The following RBFOX3 variants were observed in gnomAD, a reference collection of about 807,000 sequenced individuals.
RBFOX3 encodes the protein RNA binding protein fox-1 homolog 3.
A neutral mutation model predicts 48.7 loss-of-function variants in RBFOX3; 17 were observed. The observed-to-expected ratio is 0.35, with a 90% CI of 0.24 to 0.52. The LOEUF (loss-of-function observed/expected upper bound fraction) is 0.52, where lower values mean the gene tolerates loss of function less well. RBFOX3 is among the 20% of genes least tolerant of loss of function. RBFOX3 has a pLI of 0.94. For synonymous variants in RBFOX3, 212 were observed against 209.5 expected, an observed-to-expected ratio of 1.01 and a Z score of -0.10; for missense variants, 382 against 497.5, an observed-to-expected ratio of 0.77 and a Z score of 2.21.
intron 1 of RBFOX3, among the ~76,000 whole-genome samples, chr17:79,575,979 G>A (rs2092844538): frequency 6.6e-6 from 1 of 152,196 alleles, no homozygotes; most frequent in Non-Finnish European, 1.5e-5. Context: ...TGTCCACATG[G>A]CCAGGCCATA....
intron 3 of RBFOX3, among the ~76,000 whole-genome samples, chr17:79,289,437 A>G (rs2072773452): frequency 6.6e-6 from 1 of 152,258 alleles, no homozygotes; most frequent in Non-Finnish European, 1.5e-5. Flanking sequence ...GAAGGAACCC[A>G]GTACCCAGTC....
chr17:79,142,459 G>A (rs561390600), intron 4 of RBFOX3, among the ~76,000 whole-genome samples: 30 of 152,242 alleles, frequency 2.0e-4, no homozygotes, highest in African/African-American at 5.5e-4. Context: ...ATCCTAAGCC[G>A]CCCCTTCTCC....
In RBFOX3 at chr17:79,477,169, G is replaced by A. The variant is rs1347016635; in HGVS notation, c.-175+5285C>T. ...AATCTCTTAAACCCAGGAGGTAGAG[G>A]TTGCAGTGAGCTGAGATCGCGCCAC... On this transcript the variant is annotated intron_variant, in intron 2 of 14. Transcript: ENST00000693108. The surrounding 1 kb of genome is among the most constrained non-coding windows in gnomAD (Gnocchi z 4.8). 2.0e-5 allele frequency among the ~76,000 whole-genome samples: 3 copies of A among 150,456 alleles called. No individual in the cohort carries two copies. The highest frequency in any genetic ancestry group is 4.4e-5 in the Non-Finnish European group (3 of 67,732).
rs916335903 is a variant in RBFOX3 at position 79,565,257 on chromosome 17, C to T, written c.-320+45569G>A. 2.1e-3 allele frequency among the ~76,000 whole-genome samples: 323 copies of T among 151,864 alleles called. 1 individual carries two copies. The highest frequency in any genetic ancestry group is 7.6e-3 in the African/African-American group (316 of 41,402). ...GTTCCCATCTCTACCCTCTTCTGTG[C>T]TTTCTCTACTTTTTGCAAAGAGACA... On this transcript the variant is annotated intron_variant, in intron 1 of 14. Coordinates refer to ENST00000693108, the MANE Select transcript of RBFOX3 (RefSeq NM_001350451.2).
At chr17:79,657,069 G>A in the RBFOX3 span, among the ~76,000 whole-genome samples, 7 of 152,086 alleles carry the variant, frequency 4.6e-5, no homozygotes, top group African/African-American at 1.7e-4. Context: ...CTTTTCAGAA[G>A]GCAGATCTGA....
chr17:79,193,589 T>C (rs1165905058), intron 4 of RBFOX3, among the ~76,000 whole-genome samples: 1 of 152,198 alleles, frequency 6.6e-6, no homozygotes, highest in Non-Finnish European at 1.5e-5. Flanking sequence ...AAGAGAAGGA[T>C]GCAGTGGTTA....
chr17:79,172,010 C>A (rs761219936), intron 4 of RBFOX3, among the ~76,000 whole-genome samples: 2 of 151,582 alleles, frequency 1.3e-5, no homozygotes, highest in East Asian at 2.0e-4. Context: ...CCTGTCTGTA[C>A]GAAAAATATA....
At chr17:79,280,049 C>T (rs914759243) in intron 3 of RBFOX3, among the ~76,000 whole-genome samples, 8 of 152,058 alleles carry the variant, frequency 5.3e-5, no homozygotes, top group Non-Finnish European at 1.2e-4. Flanking sequence ...CACCACACCC[C>T]TATGGGAAGA....
intron 1 of RBFOX3, among the ~76,000 whole-genome samples, chr17:79,602,594 C>A (rs1298603360): frequency 6.6e-6 from 1 of 152,170 alleles, no homozygotes; most frequent in Non-Finnish European, 1.5e-5. Flanking sequence ...GCCGTGAGGC[C>A]CCCAGCTGTG....
chr17:79,393,469 C>T (rs1279327017), intron 2 of RBFOX3, among the ~76,000 whole-genome samples: 5 of 152,256 alleles, frequency 3.3e-5, no homozygotes, highest in East Asian at 1.9e-4. Context: ...CACCTCGCGG[C>T]GCTGGCTGGC....
At chr17:79,597,271 G>A (rs971270628) in intron 1 of RBFOX3, among the ~76,000 whole-genome samples, 240 of 152,326 alleles carry the variant, frequency 1.6e-3, no homozygotes, top group Non-Finnish European at 6.9e-4. Flanking sequence ...TGGGGAATCT[G>A]GTCTTGCCAG....
intron 3 of RBFOX3, among the ~76,000 whole-genome samples, chr17:79,238,390 G>T (rs982765033): frequency 2.0e-5 from 3 of 152,254 alleles, no homozygotes; most frequent in African/African-American, 7.2e-5. Context: ...TACGTCTGTG[G>T]CTCTGCTGGA....
At chr17:79,526,219 T>C (rs1254589491) in intron 1 of RBFOX3, among the ~76,000 whole-genome samples, 1 of 151,814 alleles carries the variant, frequency 6.6e-6, no homozygotes, top group Non-Finnish European at 1.5e-5. Context: ...ATGAGGGGAG[T>C]GTGACTCTCA....
chr17:79,450,334 T>C (rs2073238242), intron 2 of RBFOX3, among the ~76,000 whole-genome samples: 1 of 152,190 alleles, frequency 6.6e-6, no homozygotes, highest in Non-Finnish European at 1.5e-5. Flanking sequence ...CAAGAGCTAC[T>C]TTGGCAGTAG....
rs1170037570 is a variant in RBFOX3, at chr17:79,205,963, C to T, written c.-34+29803G>A. Among the ~76,000 whole-genome samples the T allele has an allele frequency of 1.3e-5, 2 of 151,954 alleles. No individual in the cohort carries two copies. The highest frequency in any genetic ancestry group is 2.9e-5 in the Non-Finnish European group (2 of 68,028). On this transcript the variant is annotated intron_variant, in intron 4 of 14. Transcript: ENST00000693108. This position sits in a 1 kb window ranked among gnomAD's most constrained non-coding sequence, Gnocchi z 4.5. ...TTTTCCACAATATAGTCTGCAGGGA[C>T]CTTGGCCGTTGTGACATTCCAGAGA...
chr17:79,532,766 G>A (rs2088013448), intron 1 of RBFOX3, among the ~76,000 whole-genome samples: 1 of 152,228 alleles, frequency 6.6e-6, no homozygotes, highest in East Asian at 1.9e-4. Context: ...TGGGACACAA[G>A]CAAAGGCCAC....
At chr17:79,157,153 C>G (rs945845222) in intron 4 of RBFOX3, among the ~76,000 whole-genome samples, 2 of 152,204 alleles carry the variant, frequency 1.3e-5, no homozygotes, top group Non-Finnish European at 2.9e-5. Flanking sequence ...CCTCCCTGCT[C>G]TCTCCTTTGC....
chr17:79,455,892 C>T (rs973183594), intron 2 of RBFOX3, among the ~76,000 whole-genome samples: 3 of 152,176 alleles, frequency 2.0e-5, no homozygotes, highest in Non-Finnish European at 4.4e-5. Context: ...TGCTACGTGG[C>T]GTCTGCCTCT....
chr17:79,246,961 T>G (rs1250918508), intron 3 of RBFOX3, among the ~76,000 whole-genome samples: 1 of 152,202 alleles, frequency 6.6e-6, no homozygotes, highest in Non-Finnish European at 1.5e-5. Context: ...GAACGCCGGC[T>G]TCTTAGATGA....
Sources: gnomAD v4.1 joint callset for allele counts (sites outside exome capture counted in the v4.1 genomes callset) on GRCh38, gnomAD v4.1.1 for gene constraint, Gnocchi (gnomAD v3.1) non-coding constraint, MANE v1.5 for transcripts, NCBI Gene and HGNC (gene_info 2026-07-23, HGNC 2026-07-21) for gene names.